Variants in TOGARAM1 observed in about 807,000 individuals in gnomAD.
TOGARAM1 encodes TOG array regulator of axonemal microtubules 1, also known as TOG array regulator of axonemal microtubules protein 1.
A neutral mutation model predicts 166.6 loss-of-function variants in TOGARAM1; 100 were observed. The observed-to-expected ratio is 0.60, with a 90% confidence interval of 0.51 to 0.71. TOGARAM1 has a LOEUF of 0.71. Among genes scored for constraint, TOGARAM1 ranks in the 30% least tolerant of loss-of-function variants. The probability of loss-of-function intolerance (pLI) is 0.00; values close to 1 mark genes in which losing one functional copy is unlikely to be tolerated. For missense variants in TOGARAM1, 2,029 were observed against 2,102.7 expected (o/e 0.96, Z 0.69); for synonymous variants, 758 against 763.8 (o/e 0.99, Z 0.13).
chr14:45,052,593 C>A, intron 15 of TOGARAM1, 31 bp downstream of exon 15: 2 of 1,553,532 alleles, frequency 1.3e-6, no homozygotes, highest in Non-Finnish European at 8.7e-7. Context: ...TTATAAACAG[C>A]TTTATAAGCA....
chr14:45,010,346 A>G (rs890891591), intron 6 of TOGARAM1, among the ~76,000 whole-genome samples: 11 of 152,230 alleles, frequency 7.2e-5, no homozygotes, highest in East Asian at 1.9e-4. Context: ...TTACCTAGGT[A>G]GAATAATAGG....
chr14:44,977,829 T>C (rs1003155512), intron 1 of TOGARAM1, among the ~76,000 whole-genome samples: 1 of 152,052 alleles, frequency 6.6e-6, no homozygotes, highest in African/African-American at 2.4e-5. Context: ...TTGTATTTTT[T>C]AGTAGAGACA....
At chr14:44,966,117 G>A (rs547650512) in intron 1 of TOGARAM1, among the ~76,000 whole-genome samples, 7 of 150,574 alleles carry the variant, frequency 4.6e-5, no homozygotes, top group South Asian at 2.1e-4. Flanking sequence ...CACCCGCCTC[G>A]GCATCCCAAA....
At chr14:45,071,849 T>G (rs987916221) in intron 19 of TOGARAM1, 51 bp downstream of exon 19, 2 of 1,344,538 alleles carry the variant, frequency 1.5e-6, no homozygotes, top group Non-Finnish European at 2.1e-6. Flanking sequence ...AAGGATAAAC[T>G]GATAAACTGT....
intron 18 of TOGARAM1, among the ~76,000 whole-genome samples, chr14:45,070,528 T>G (rs1883332683): frequency 1.3e-5 from 2 of 152,254 alleles, no homozygotes; most frequent in African/African-American, 4.8e-5. Flanking sequence ...TACTGTAAAT[T>G]TATTTTTCTT....
chr14:45,034,033 T>C (rs1881303397), intron 11 of TOGARAM1, among the ~76,000 whole-genome samples: 1 of 152,090 alleles, frequency 6.6e-6, no homozygotes, highest in South Asian at 2.1e-4. Flanking sequence ...GGCACACGTC[T>C]GTAGTACCAG....
Position 44,963,315 on chromosome 14 carries a change from T to C in TOGARAM1, c.894T>C (p.Arg298=), listed in dbSNP as rs764122155. ...ACAGGTTTCAATCTTACATTTCTCGTCTGCCCTCTGCCCTGAGGAGACACT... is the reference window on the plus strand; with the variant it reads ...ACAGGTTTCAATCTTACATTTCTCGCCTGCCCTCTGCCCTGAGGAGACACT... ...GQDRFQSYIS[R]LPSALRRHYN... Residue 298 remains arginine, a synonymous_variant, in exon 1 of 20, where the codon CGT becomes CGC. Coordinates refer to ENST00000361462, the MANE Select transcript of TOGARAM1 (RefSeq NM_001308120.2). The C allele has an allele frequency of 6.2e-7, 1 of 1,614,180 alleles. No individual in the cohort carries two copies. The highest frequency in any genetic ancestry group is 1.7e-5 in the Admixed American group (1 of 60,016).
In TOGARAM1 at chr14:44,999,360, A is replaced by C; in HGVS notation, c.2204-3A>C. On this transcript the variant is annotated splice_polypyrimidine_tract_variant and splice_region_variant and intron_variant, in intron 2 of 19. Coordinates refer to ENST00000361462, the MANE Select transcript of TOGARAM1 (RefSeq NM_001308120.2). The stretch of plus-strand genomic sequence containing the variant: ...ATGTTTTCTCCCTTCCTTTCTTCAA[A>C]AGGTACTACTGGGACTCATCAAACA... The C allele has an allele frequency of 6.5e-7, 1 of 1,547,164 alleles. No individual in the cohort carries two copies. The highest frequency in any genetic ancestry group is 8.7e-7 in the Non-Finnish European group (1 of 1,143,658).
chr14:45,006,349 C>A (rs1272204442), intron 5 of TOGARAM1, 82 bp downstream of exon 5: 8 of 970,586 alleles, frequency 8.2e-6, no homozygotes. Flanking sequence ...AAATCAAGTT[C>A]TTTTTATCCT....
At chr14:44,990,613 G>A (rs1000453719) in intron 1 of TOGARAM1, among the ~76,000 whole-genome samples, 22 of 152,054 alleles carry the variant, frequency 1.4e-4, no homozygotes, top group African/African-American at 5.3e-4. Flanking sequence ...TCCTCTCTTT[G>A]ATCAGTCCTG....
At chr14:45,031,975 C>CATG (rs954390173) in intron 10 of TOGARAM1, among the ~76,000 whole-genome samples, 2 of 152,074 alleles carry the variant, frequency 1.3e-5, no homozygotes, top group African/African-American at 4.8e-5. Flanking sequence ...GCTTGACCAA[C>CATG]ATGATGAAAC....
chr14:44,962,866 A>G lies in TOGARAM1; in HGVS notation c.445A>G (p.Ser149Gly). ...ALGRVLVEGG[S>G]DEKRLCLQLL... ...GGGCCGAGTGCTTGTGGAAGGAGGTAGTGATGAGAAGCGGCTCTGCTTGCA... is the reference window on the plus strand; with the variant it reads ...GGGCCGAGTGCTTGTGGAAGGAGGTGGTGATGAGAAGCGGCTCTGCTTGCA... The change falls in exon 1 of 20, where the codon AGT (serine) becomes GGT (glycine). Residue 149 changes from serine to glycine, a missense_variant. By Grantham distance (56) the Ser-to-Gly change is moderately conservative (BLOSUM62 0). Around this residue, in one of 2 missense-constraint regions of TOGARAM1, gnomAD observed 1,453 missense variants for 1,432.2 expected, o/e 1.01. Coordinates refer to ENST00000361462, the MANE Select transcript of TOGARAM1 (RefSeq NM_001308120.2). 6.2e-7 allele frequency: 1 copy of G among 1,613,686 alleles called. No individual in the cohort carries two copies. The highest frequency in any genetic ancestry group is 2.2e-5 in the East Asian group (1 of 44,872).
intron 11 of TOGARAM1, among the ~76,000 whole-genome samples, chr14:45,039,344 A>G (rs1055163136): frequency 6.6e-6 from 1 of 152,144 alleles, no homozygotes. Flanking sequence ...TTCTCACTCC[A>G]GTCTGTGGAA....
At chr14:44,990,009 A>G (rs1887044735) in intron 1 of TOGARAM1, among the ~76,000 whole-genome samples, 1 of 152,168 alleles carries the variant, frequency 6.6e-6, no homozygotes, top group Non-Finnish European at 1.5e-5. Flanking sequence ...AGAATTCACT[A>G]TCATGAGAAC....
chr14:45,055,540 C>T (rs560294618), intron 16 of TOGARAM1, among the ~76,000 whole-genome samples: 1 of 152,014 alleles, frequency 6.6e-6, no homozygotes, highest in African/African-American at 2.4e-5. Flanking sequence ...CGCCATGGCT[C>T]ACACCTGTAA....
intron 1 of TOGARAM1, among the ~76,000 whole-genome samples, chr14:44,994,923 T>G (rs1326271977): frequency 6.6e-6 from 1 of 152,242 alleles, no homozygotes; most frequent in Non-Finnish European, 1.5e-5. Flanking sequence ...CATCTAGATT[T>G]GATTGTGTCT....
intron 1 of TOGARAM1, among the ~76,000 whole-genome samples, chr14:44,989,799 A>G (rs182959325): frequency 2.2e-4 from 34 of 152,346 alleles, no homozygotes; most frequent in Non-Finnish European, 4.6e-4. Flanking sequence ...TTACACTGCT[A>G]TAAAGAACTG....
intron 16 of TOGARAM1, among the ~76,000 whole-genome samples, chr14:45,059,611 G>A (rs1882803254): frequency 6.6e-6 from 1 of 151,956 alleles, no homozygotes; most frequent in Non-Finnish European, 1.5e-5. Flanking sequence ...AGCTGAGATT[G>A]CTCCATTGCA....
At chr14:45,030,500 T>G (rs1429558793) in intron 10 of TOGARAM1, among the ~76,000 whole-genome samples, 1 of 152,188 alleles carries the variant, frequency 6.6e-6, no homozygotes, top group African/African-American at 2.4e-5. Context: ...ATAGTGCTTT[T>G]TTTTATTTGC....
Sources: gnomAD v4.1 joint callset for allele counts (sites outside exome capture counted in the v4.1 genomes callset) on GRCh38, gnomAD v4.1.1 for gene constraint, gnomAD v4.1.1 regional missense constraint, MANE v1.5 for transcripts, NCBI Gene and HGNC (gene_info 2026-07-23, HGNC 2026-07-21) for gene names.